The following NCKAP5 variants were observed in gnomAD, a reference collection of about 807,000 sequenced individuals.
The protein encoded by NCKAP5 is nck-associated protein 5.
NCKAP5 carries 92 observed loss-of-function variants against 167.0 expected under a neutral mutation model. The ratio of observed to expected loss-of-function variants is 0.55; its 90% CI spans 0.47 to 0.66. The LOEUF is 0.66. Ranked by LOEUF, NCKAP5 falls within the 30% of genes least tolerant of loss-of-function variation. NCKAP5 has a pLI of 0.00. For synonymous variants in NCKAP5, 891 were observed against 877.4 expected (o/e 1.02, Z -0.27); for missense variants, 2,378 against 2,315.0 (o/e 1.03, Z -0.56).
intron 19 of NCKAP5, among the ~76,000 whole-genome samples, chr2:132,698,720 A>G (rs184748128): frequency 3.3e-5 from 5 of 152,078 alleles, no homozygotes; most frequent in East Asian, 3.9e-4. Flanking sequence ...TGTAGTCCCA[A>G]CTACTCAGGA....
chr2:133,034,963 T>C (rs1362351594), intron 6 of NCKAP5, among the ~76,000 whole-genome samples: 1 of 151,856 alleles, frequency 6.6e-6, no homozygotes, highest in Non-Finnish European at 1.5e-5. Flanking sequence ...TCAAAAGACA[T>C]AGACTGGCTG....
chr2:133,083,057 G>C (rs186417866), intron 6 of NCKAP5, among the ~76,000 whole-genome samples: 43 of 152,240 alleles, frequency 2.8e-4, no homozygotes, highest in Middle Eastern at 3.4e-3. Context: ...TCCAGCTGCA[G>C]GATACCCTGT....
intron 3 of NCKAP5, among the ~76,000 whole-genome samples, chr2:133,500,229 G>T (rs1682379998): frequency 6.6e-6 from 1 of 152,108 alleles, no homozygotes; most frequent in African/African-American, 2.4e-5. Flanking sequence ...ACAATAATAT[G>T]AATTTGAAAA....
At chr2:133,538,906 T>G (rs115446059) in intron 2 of NCKAP5, among the ~76,000 whole-genome samples, 39,542 of 143,522 alleles carry the variant, frequency 0.28, 6,071 homozygotes, top group East Asian at 0.4. Flanking sequence ...AGTTTTTTTT[T>G]GGTTTTTTTT....
At chr2:132,831,931 T>C (rs1687549640) in intron 11 of NCKAP5, among the ~76,000 whole-genome samples, 1 of 152,088 alleles carries the variant, frequency 6.6e-6, no homozygotes, top group African/African-American at 2.4e-5. Flanking sequence ...TGAATCCCTA[T>C]TGTTTCATCT....
intron 6 of NCKAP5, among the ~76,000 whole-genome samples, chr2:133,041,687 C>T (rs531937718): frequency 2.6e-4 from 40 of 152,148 alleles, no homozygotes; most frequent in East Asian, 1.7e-3. Context: ...AAAAATTATA[C>T]GAGATGAAAT....
intron 11 of NCKAP5, among the ~76,000 whole-genome samples, chr2:132,819,612 G>A (rs1449286741): frequency 6.6e-6 from 1 of 152,044 alleles, no homozygotes; most frequent in East Asian, 1.9e-4. Flanking sequence ...AGGGAGCACG[G>A]ATGAGGATGA....
At chr2:133,354,589 C>CT (rs1336347800) in intron 3 of NCKAP5, among the ~76,000 whole-genome samples, 2 of 152,242 alleles carry the variant, frequency 1.3e-5, no homozygotes, top group African/African-American at 4.8e-5. Context: ...ATTAAATTGT[C>CT]TAACATCACC....
intron 3 of NCKAP5, among the ~76,000 whole-genome samples, chr2:133,437,708 C>T (rs1204423183): frequency 6.6e-6 from 1 of 152,124 alleles, no homozygotes; most frequent in East Asian, 1.9e-4. Flanking sequence ...TGATGTCAGA[C>T]TTCTTGCATG....
the NCKAP5 span, among the ~76,000 whole-genome samples, chr2:133,653,823 G>A: frequency 1.6e-4 from 24 of 152,160 alleles, no homozygotes; most frequent in African/African-American, 4.6e-4. Flanking sequence ...TTTTGTCTAC[G>A]GAGAAAAACA....
intron 3 of NCKAP5, among the ~76,000 whole-genome samples, chr2:133,384,412 C>T (rs191995415): frequency 6.6e-6 from 1 of 152,158 alleles, no homozygotes; most frequent in Non-Finnish European, 1.5e-5. Context: ...TTCCATTGGT[C>T]TATATCTCTG....
intron 8 of NCKAP5, among the ~76,000 whole-genome samples, chr2:132,919,122 A>C (rs1294870092): frequency 6.6e-6 from 1 of 152,244 alleles, no homozygotes; most frequent in African/African-American, 2.4e-5. Flanking sequence ...ATGGCAATTC[A>C]CATAGCAAAG....
At chr2:133,573,170 G>T (rs1688926587), upstream of NCKAP5, among the ~76,000 whole-genome samples, 1 of 152,160 alleles carries the variant, frequency 6.6e-6, no homozygotes, top group Non-Finnish European at 1.5e-5. Context: ...TGTTATGGTA[G>T]CCCTCTTACA....
chr2:133,493,405 C>T (rs151136781), intron 3 of NCKAP5, among the ~76,000 whole-genome samples: 6 of 152,292 alleles, frequency 3.9e-5, no homozygotes, highest in African/African-American at 1.4e-4. Context: ...AAGACTATCA[C>T]GTAACCCTCA....
In NCKAP5 at chr2:133,492,144, A is replaced by AGTGT. The variant is rs371797170; in HGVS notation, c.69+25310_69+25313dup. On this transcript the variant is annotated intron_variant, in intron 3 of 19. Coordinates refer to ENST00000409261, the MANE Select transcript of NCKAP5 (RefSeq NM_207363.3). ...CCTGTATCCTATGCCATATCTAGTT[A>AGTGT]GTGTGTGTGTGTGTGTGTGTGTGTG... Among the ~76,000 whole-genome samples the AGTGT allele has an allele frequency of 1.4e-3, 199 of 141,664 alleles. 4 individuals carry two copies. The highest frequency in any genetic ancestry group is 2.8e-3 in the South Asian group (12 of 4,278). 92.9% of individuals were successfully genotyped at this position (141,664 alleles called of 152,430 possible).
intron 5 of NCKAP5, among the ~76,000 whole-genome samples, chr2:133,137,049 A>G (rs1228395071): frequency 6.6e-6 from 1 of 152,192 alleles, no homozygotes; most frequent in Non-Finnish European, 1.5e-5. Flanking sequence ...AACTCTATTA[A>G]CCAACTCTGT....
chr2:133,303,702 A>G (rs146268858), intron 3 of NCKAP5, among the ~76,000 whole-genome samples: 38 of 152,288 alleles, frequency 2.5e-4, no homozygotes, highest in African/African-American at 9.1e-4. Flanking sequence ...GGTATGGTGT[A>G]TTCTGCTCTA....
chr2:133,534,615 A>G (rs1486684189), intron 2 of NCKAP5, among the ~76,000 whole-genome samples: 1 of 152,068 alleles, frequency 6.6e-6, no homozygotes, highest in East Asian at 1.9e-4. Flanking sequence ...AACTTCTTCC[A>G]CTTCGCATCA....
intron 3 of NCKAP5, among the ~76,000 whole-genome samples, chr2:133,492,321 A>G (rs1004436790): frequency 2.6e-5 from 4 of 152,208 alleles, no homozygotes; most frequent in Non-Finnish European, 5.9e-5. Flanking sequence ...GGATGACAAC[A>G]TTGGTACCTT....
Sources: gnomAD v4.1 joint callset for allele counts (sites outside exome capture counted in the v4.1 genomes callset) on GRCh38, gnomAD v4.1.1 for gene constraint, MANE v1.5 for transcripts, NCBI Gene and HGNC (gene_info 2026-07-23, HGNC 2026-07-21) for gene names.